Variants in ERMARD observed in about 807,000 individuals in gnomAD.
ERMARD encodes the protein ER membrane associated RNA degradation, also known as endoplasmic reticulum membrane-associated RNA degradation protein.
In ERMARD, 71 loss-of-function variants were observed where a neutral mutation model predicts 83.9. The observed-to-expected ratio is 0.85, with a 90% CI of 0.70 to 1.03. The LOEUF (loss-of-function observed/expected upper bound fraction) is 1.03. Among genes scored for constraint, ERMARD ranks in the 50% least tolerant of loss-of-function variants. The probability of loss-of-function intolerance (pLI) is 0.00; values close to 1 mark genes in which losing one functional copy is unlikely to be tolerated. For missense variants in ERMARD, 838 were observed against 810.9 expected (o/e 1.03, Z -0.41); for synonymous variants, 284 against 298.6 (o/e 0.95, Z 0.50).
At chr6:169,769,804 A>G in intron 12 of ERMARD, 91 bp downstream of exon 12, 2 of 1,180,872 alleles carry the variant, frequency 1.7e-6, no homozygotes, top group African/African-American at 1.6e-5. Context: ...ACTGTTAATC[A>G]TCTTTTAATA....
In ERMARD at chr6:169,760,789, A is replaced by C. The variant is rs201181276; in HGVS notation, c.857+33A>C. On this transcript the variant is annotated intron_variant, in intron 8 of 17. Coordinates refer to ENST00000366773, the MANE Select transcript of ERMARD (RefSeq NM_018341.3). ...AAGGGTACATGGCAGAGTGGTTTGC[A>C]GTGGTTGGAGGCCATTCTTTCTTGA... The C allele has an allele frequency of 3.4e-5, 49 of 1,462,120 alleles. No homozygotes were observed. In the East Asian group the frequency reaches 9.6e-4, roughly 29 times the overall value. 90.6% of individuals were successfully genotyped at this position (1,462,120 alleles called of 1,614,324 possible).
In ERMARD at chr6:169,773,542, G is replaced by A. The variant is rs996574102; in HGVS notation, c.1317+140G>A. On this transcript the variant is annotated intron_variant, in intron 13 of 17. Coordinates refer to ENST00000366773, the MANE Select transcript of ERMARD (RefSeq NM_018341.3). ...GATCCAGCTTTTTAACCAGTGCGGG[G>A]CCTGCTGTGGCGCTGGCCTGGTTGC... 8.3e-6 allele frequency: 6 copies of A among 725,890 alleles called. No individual in the cohort carries two copies. In the African/African-American group the frequency reaches 1.1e-4, roughly 13 times the overall value. 45.0% of individuals were successfully genotyped at this position (725,890 alleles called of 1,614,324 possible). A position where few individuals can be genotyped will look rare whatever the true frequency, so the allele number is the denominator to read the frequency against.
upstream of ERMARD, chr6:169,751,592 C>G (rs1790086774): frequency 3.8e-6 from 6 of 1,598,360 alleles, no homozygotes; most frequent in East Asian, 9.0e-5. Context: ...GGCTCCAAAG[C>G]GCCTGGAGGA....
chr6:169,764,438 A>G (rs1393213030), intron 9 of ERMARD, among the ~76,000 whole-genome samples: 2 of 145,000 alleles, frequency 1.4e-5, no homozygotes, highest in East Asian at 2.0e-4. Flanking sequence ...TCATTTTTAC[A>G]TTTTTTTTTT....
chr6:169,751,358 C>T, upstream of ERMARD: 1 of 1,614,108 alleles, frequency 6.2e-7, no homozygotes, highest in Non-Finnish European at 8.5e-7. Context: ...CTCGAACATG[C>T]TAGGCCTCCT....
At chr6:169,759,102 G>A (rs1247522818) in intron 6 of ERMARD, 37 bp downstream of exon 6, 2 of 1,541,098 alleles carry the variant, frequency 1.3e-6, no homozygotes, top group Non-Finnish European at 1.8e-6. Context: ...TCCTTTTTTG[G>A]ATCTACCAAA....
intron 13 of ERMARD, among the ~76,000 whole-genome samples, chr6:169,773,786 T>G (rs377462013): frequency 1.4e-4 from 22 of 152,346 alleles, no homozygotes; most frequent in Admixed American, 1.0e-3. Flanking sequence ...GACTAGCTTT[T>G]GTTAACTTAC....
intron 15 of ERMARD, 101 bp downstream of exon 15, chr6:169,776,166 G>T (rs974023225): frequency 1.3e-5 from 21 of 1,559,342 alleles, no homozygotes; most frequent in Non-Finnish European, 1.7e-5. Context: ...AAACTTGGTA[G>T]TAGTCTTAGA....
intron 9 of ERMARD, among the ~76,000 whole-genome samples, chr6:169,763,983 CGTT>C (rs1791877927): frequency 6.6e-6 from 1 of 152,226 alleles, no homozygotes; most frequent in Non-Finnish European, 1.5e-5. Context: ...TTCAGAAAGG[CGTT>C]GTTTCCCACA....
At chr6:169,752,657 G>C (rs1188277569) in intron 1 of ERMARD, among the ~76,000 whole-genome samples, 1 of 152,178 alleles carries the variant, frequency 6.6e-6, no homozygotes, top group Non-Finnish European at 1.5e-5. Context: ...GCTGCCCAGA[G>C]CTAATTATGA....
At chr6:169,776,812 C>A in intron 16 of ERMARD, 139 bp downstream of exon 16, 1 of 1,021,584 alleles carries the variant, frequency 9.8e-7, no homozygotes, top group Non-Finnish European at 1.4e-6. Context: ...ACTTGGAGTC[C>A]ACAACTGAGT....
At position 169,756,561 on chromosome 6, in the gene ERMARD, A is replaced by AT. The variant is rs1790842895; in HGVS notation, c.417+127dup. ...TATAAGATAAAATCATTTAGTATGA[A>AT]TTTTTAATATTTCCCTTTTGAATGA... is the stretch of plus-strand genomic sequence containing the variant. On this transcript the variant is annotated intron_variant, in intron 4 of 17. Transcript: ENST00000366773. The AT allele has an allele frequency of 3.1e-6, 3 of 960,774 alleles. 1 individual carries two copies. The highest frequency in any genetic ancestry group is 5.4e-5 in the Admixed American group (2 of 36,972). The allele number at this position is 960,774 out of a possible 1,614,324, so 59.5% of individuals were successfully genotyped here.
rs1162689193 is a variant in ERMARD, at chr6:169,775,291, A to C, written c.1339A>C (p.Ile447Leu). 1 of 1,614,252 alleles carries C rather than the reference A, an allele frequency of 6.2e-7. No individual in the cohort carries two copies. The highest frequency in any genetic ancestry group is 8.5e-7 in the Non-Finnish European group (1 of 1,180,046). Reference protein sequence around the residue: ...KKQVLSCEESIRVWALLPFPE... With the variant: ...KKQVLSCEESLRVWALLPFPE... ...CCAGGTGCTGAGCTGTGAGGAGAGC[A>C]TCAGGGTTTGGGCTCTGCTGCCTTT... Residue 447 changes from isoleucine (I) to leucine (L), a missense_variant, in exon 14 of 18, where the codon ATC becomes CTC. Ile to Leu is a conservative substitution (Grantham distance 5). Transcript: ENST00000366773.
Position 169,753,824 on chromosome 6 carries a change from T to C in ERMARD, c.7-40T>C. ...GAAATATATAATACTCTATTTTTCT[T>C]TCTGTTAAGCAGTGCCTTTTATTTT... On this transcript the variant is annotated intron_variant, in intron 1 of 17. Transcript: ENST00000366773. The C allele has an allele frequency of 2.1e-6, 3 of 1,428,558 alleles. No individual in the cohort carries two copies. The Middle Eastern group carries it at 7.3e-4, about 349-fold the overall frequency. 88.5% of individuals were successfully genotyped at this position (1,428,558 alleles called of 1,614,324 possible). A position where few individuals can be genotyped will look rare whatever the true frequency, so the allele number is the denominator to read the frequency against.
chr6:169,760,091 C>G, intron 7 of ERMARD, 117 bp downstream of exon 7: 2 of 1,515,990 alleles, frequency 1.3e-6, no homozygotes, highest in Admixed American at 2.1e-5. Context: ...CTTCAGTAGT[C>G]GGATGGCTTT....
At chr6:169,759,155 T>A in intron 6 of ERMARD, 90 bp downstream of exon 6, 1 of 1,172,710 alleles carries the variant, frequency 8.5e-7, no homozygotes, top group Non-Finnish European at 1.3e-6. Flanking sequence ...AAATAGATTT[T>A]GTGAAAGATA....
intron 11 of ERMARD, among the ~76,000 whole-genome samples, chr6:169,768,628 C>T (rs868020100): frequency 6.6e-6 from 1 of 152,042 alleles, no homozygotes; most frequent in Non-Finnish European, 1.5e-5. Context: ...CGGTGGCGGG[C>T]ACCCACCTAC....
rs761081182 is a variant in ERMARD, at chr6:169,768,172, G to T, written c.1059+1G>T. On this transcript the variant is annotated splice_donor_variant, in intron 11 of 17. Transcript: ENST00000366773. LOFTEE classifies it high-confidence loss of function. ...TCTTTTCCTTGGAGAGCCTGCTATG[G>T]TAAGTATTAGGTATTTTCCAGGCTA... is the stretch of plus-strand genomic sequence containing the variant. 12 of 1,612,956 alleles carry T rather than the reference G, an allele frequency of 7.4e-6. No homozygotes were observed. Among genetic ancestry groups the T allele is most frequent in the East Asian group, 2.2e-5 (1 of 44,870 alleles).
In ERMARD at chr6:169,760,819, C is replaced by T. The variant is rs372531118; in HGVS notation, c.857+63C>T. ...TTGGAGGCCATTCTTTCTTGATGCC[C>T]TTCACTTTCGATGCTTTTTGCTGTT... On this transcript the variant is annotated intron_variant, in intron 8 of 17. Coordinates refer to ENST00000366773, the MANE Select transcript of ERMARD (RefSeq NM_018341.3). The T allele has an allele frequency of 5.1e-5, 57 of 1,128,324 alleles. No individual in the cohort carries two copies. The South Asian group carries it at 7.6e-4, about 15-fold the overall frequency. 69.9% of individuals were successfully genotyped at this position (1,128,324 alleles called of 1,614,324 possible).
Sources: gnomAD v4.1 joint callset for allele counts (sites outside exome capture counted in the v4.1 genomes callset) on GRCh38, gnomAD v4.1.1 for gene constraint, MANE v1.5 for transcripts, NCBI Gene and HGNC (gene_info 2026-07-23, HGNC 2026-07-21) for gene names.